WNT9B: variants seen among roughly 807,000 people sequenced by gnomAD.
WNT9B encodes the protein protein Wnt-9b.
A neutral mutation model predicts 30.2 loss-of-function variants in WNT9B; 12 were observed. That is an observed-to-expected ratio of 0.40 (90% CI 0.26 to 0.64). The LOEUF is 0.64. WNT9B is among the 30% of genes least tolerant of loss of function. WNT9B has a pLI of 0.42. For missense variants in WNT9B, 442 were observed against 485.2 expected (o/e 0.91, Z 0.84); for synonymous variants, 218 against 216.9 (o/e 1.01, Z -0.05).
chr17:46,834,339 G>A (rs1462750053), intron 1 of WNT9B, among the ~76,000 whole-genome samples: 1 of 152,166 alleles, frequency 6.6e-6, no homozygotes, highest in African/African-American at 2.4e-5. Flanking sequence ...GGGTCTGATC[G>A]CAGGAGGGAG....
chr17:46,873,871 C>T (rs183396167), intron 2 of WNT9B, among the ~76,000 whole-genome samples: 1 of 151,928 alleles, frequency 6.6e-6, no homozygotes, highest in East Asian at 1.9e-4. Context: ...AGCCTGTAAT[C>T]CCAGCTACTT....
chr17:46,848,324 A>T (rs1027309626), upstream of WNT9B, among the ~76,000 whole-genome samples: 1 of 152,198 alleles, frequency 6.6e-6, no homozygotes, highest in African/African-American at 2.4e-5. Context: ...TACTGCCATA[A>T]AAAGGCCACA....
intron 1 of WNT9B, among the ~76,000 whole-genome samples, chr17:46,845,480 T>C (rs1364379922): frequency 2.0e-5 from 3 of 148,996 alleles, no homozygotes; most frequent in African/African-American, 7.4e-5. Flanking sequence ...GAGTGAGTTA[T>C]CTGAATTTTT....
intron 1 of WNT9B, among the ~76,000 whole-genome samples, chr17:46,856,559 A>G (rs1302196621): frequency 6.7e-6 from 1 of 149,544 alleles, no homozygotes; most frequent in East Asian, 2.0e-4. Context: ...ATCTCGGCTC[A>G]CTGCAGCCTC....
chr17:46,865,415 G>C (rs1036978659), intron 1 of WNT9B, among the ~76,000 whole-genome samples: 7 of 152,112 alleles, frequency 4.6e-5, no homozygotes, highest in Non-Finnish European at 7.4e-5. Context: ...TCAGGGATGG[G>C]TGGGGGACGA....
chr17:46,868,645 T>C (rs1460574592), intron 1 of WNT9B, among the ~76,000 whole-genome samples: 2 of 152,108 alleles, frequency 1.3e-5, no homozygotes, highest in African/African-American at 4.8e-5. Context: ...AAACACATTT[T>C]TCTGGGTTCA....
At chr17:46,867,736 G>T (rs2085164244) in intron 1 of WNT9B, among the ~76,000 whole-genome samples, 1 of 152,206 alleles carries the variant, frequency 6.6e-6, no homozygotes, top group Non-Finnish European at 1.5e-5. Flanking sequence ...GGTGGGGAAG[G>T]AGGTTCCAGG....
At chr17:46,847,948 T>A (rs1369693415), upstream of WNT9B, among the ~76,000 whole-genome samples, 1 of 147,250 alleles carries the variant, frequency 6.8e-6, no homozygotes, top group African/African-American at 2.5e-5. Context: ...TTCAGCCTCA[T>A]CATGTTTGTG....
chr17:46,854,123 G>A (rs951446547), intron 1 of WNT9B, among the ~76,000 whole-genome samples: 1 of 152,170 alleles, frequency 6.6e-6, no homozygotes, highest in Admixed American at 6.5e-5. Context: ...GATGCTCAGA[G>A]AATCAGCTAA....
At chr17:46,883,942 C>G (rs1056019921), downstream of WNT9B, among the ~76,000 whole-genome samples, 1 of 152,204 alleles carries the variant, frequency 6.6e-6, no homozygotes, top group African/African-American at 2.4e-5. Flanking sequence ...TCTCTTGGGC[C>G]CATTAGTGTG....
chr17:46,872,468 C>T, intron 1 of WNT9B, 49 bp from the exon 2 acceptor site: 1 of 1,445,210 alleles, frequency 6.9e-7, no homozygotes, highest in Non-Finnish European at 9.1e-7. Flanking sequence ...ATTTGCCCCT[C>T]ACCACCATCC....
intron 1 of WNT9B, among the ~76,000 whole-genome samples, chr17:46,861,929 T>C (rs2085044045): frequency 6.6e-6 from 1 of 152,166 alleles, no homozygotes; most frequent in Non-Finnish European, 1.5e-5. Flanking sequence ...TTTGGGAGGC[T>C]GAGGCAGGTG....
In WNT9B at chr17:46,844,637, CCTT is replaced by C. The variant is rs1248015610; in HGVS notation, c.95+11201_95+11203del. Among the ~76,000 whole-genome samples the C allele has an allele frequency of 8.5e-5, 13 of 152,258 alleles. No homozygotes were observed. The East Asian group carries it at 1.7e-3, about 20-fold the overall frequency. On this transcript the variant is annotated intron_variant, in intron 1 of 2. Transcript: ENST00000575372. ...CAAGATGGGACCCCTTTCCTCTCGT[CCTT>C]CTTTTTAGAGAGTTTAGAGAGCAAG...
At chr17:46,834,651 C>G (rs536481780) in intron 1 of WNT9B, among the ~76,000 whole-genome samples, 1 of 152,138 alleles carries the variant, frequency 6.6e-6, no homozygotes, top group African/African-American at 2.4e-5. Context: ...GTCCTTCTCG[C>G]CTGCCTCCTC....
rs1278965391 is a variant in WNT9B, at chr17:46,879,563, C to T, written c.*2845C>T. On this transcript the variant is annotated 3_prime_UTR_variant, in exon 4 of 4. Transcript: ENST00000290015. Reference sequence around the variant, plus strand: ...CCCCTTTCATCTCACTTGATTTCTCCGTTATCTCTGTGAGGTAGGTGGGGC... The same window carrying T: ...CCCCTTTCATCTCACTTGATTTCTCTGTTATCTCTGTGAGGTAGGTGGGGC... 2.6e-5 allele frequency among the ~76,000 whole-genome samples: 4 copies of T among 152,230 alleles called. No homozygotes were observed. Among genetic ancestry groups the T allele is most frequent in the African/African-American group, 4.8e-5 (2 of 41,458 alleles).
chr17:46,876,821 T>A lies in WNT9B; in HGVS notation c.*103T>A. 1 of 1,441,184 alleles carries A rather than the reference T, an allele frequency of 6.9e-7. No individual in the cohort carries two copies. The highest frequency in any genetic ancestry group is 1.5e-5 in the South Asian group (1 of 66,476). The allele number at this position is 1,441,184 out of a possible 1,614,324, so 89.3% of individuals were successfully genotyped here. On this transcript the variant is annotated 3_prime_UTR_variant, in exon 4 of 4. Transcript: ENST00000290015. ...GGCAGACTGTCATCACATGCATGCA[T>A]AAACCGGCATGTGTGCCAATGCACA... is the stretch of plus-strand genomic sequence containing the variant.
Position 46,872,717 on chromosome 17 carries a change from T to C in WNT9B, c.278T>C (p.Phe93Ser). Residue 93 changes from phenylalanine (F) to serine (S), a missense_variant, in exon 2 of 4, where the codon TTC becomes TCC. Physicochemically the swap from Phe to Ser is radical, Grantham distance 155. Coordinates refer to ENST00000290015, the MANE Select transcript of WNT9B (RefSeq NM_003396.3). ...GGCCTGCTTGAGTGCCAGTTTCAGT[T>C]CCGGCATGAGCGCTGGAACTGTAGC... ...HLGLLECQFQ[F>S]RHERWNCSLE... The C allele has an allele frequency of 6.3e-7, 1 of 1,599,632 alleles. No individual in the cohort carries two copies. Among genetic ancestry groups the C allele is most frequent in the Non-Finnish European group, 8.5e-7 (1 of 1,172,680 alleles).
chr17:46,851,571 G>GGGT, upstream of WNT9B: 1 of 877,804 alleles, frequency 1.1e-6, no homozygotes. This position sits in a 1 kb window ranked among gnomAD's most constrained non-coding sequence, Gnocchi z 4.3. Flanking sequence ...TCCCGCGGGC[G>GGGT]GGTGGTGGCG....
In WNT9B at chr17:46,872,414, C is replaced by A. The variant is rs2085263027; in HGVS notation, c.78-103C>A. The A allele has an allele frequency of 4.3e-6, 6 of 1,386,594 alleles. No individual in the cohort carries two copies. In the Admixed American group the frequency reaches 1.7e-4, roughly 38 times the overall value. 85.9% of individuals were successfully genotyped at this position (1,386,594 alleles called of 1,614,324 possible). On this transcript the variant is annotated intron_variant, in intron 1 of 3. Coordinates refer to ENST00000290015, the MANE Select transcript of WNT9B (RefSeq NM_003396.3). Reference sequence around the variant, plus strand: ...ACCTCCAGCGGGTCAGCCTGCTGCCCAGAAGGGCAGTAAATGAAGCCCCTG... The same window carrying A: ...ACCTCCAGCGGGTCAGCCTGCTGCCAAGAAGGGCAGTAAATGAAGCCCCTG...
Sources: allele counts gnomAD v4.1 joint callset (sites outside exome capture counted in the v4.1 genomes callset), GRCh38; gene constraint gnomAD v4.1.1; non-coding constraint Gnocchi (gnomAD v3.1); transcripts MANE v1.5; gene names NCBI Gene and HGNC (gene_info 2026-07-23, HGNC 2026-07-21).